Variants in TSPAN11 observed in about 807,000 individuals in gnomAD.
The protein encoded by TSPAN11 is tetraspanin-11.
Under a neutral mutation model 32.9 loss-of-function variants are expected in TSPAN11, and 29 were observed. The ratio of observed to expected loss-of-function variants is 0.88; its 90% CI spans 0.66 to 1.20. TSPAN11 has a LOEUF of 1.20. TSPAN11 is among the 50% of genes most tolerant of loss of function. TSPAN11 has a pLI of 0.00. For missense variants in TSPAN11, 283 were observed against 329.1 expected, an observed-to-expected ratio of 0.86 and a Z score of 1.08; for synonymous variants, 140 against 141.3, an observed-to-expected ratio of 0.99 and a Z score of 0.07.
At chr12:30,963,801 G>A (rs1286591069) in intron 2 of TSPAN11, 25 bp from the exon 3 acceptor site, 1 of 1,599,870 alleles carries the variant, frequency 6.3e-7, no homozygotes, top group Non-Finnish European at 8.5e-7. Context: ...GCCACCCCCT[G>A]CTCTAACCCG....
At chr12:31,009,702 C>T in the TSPAN11 span, among the ~76,000 whole-genome samples, 2 of 152,168 alleles carry the variant, frequency 1.3e-5, no homozygotes, top group African/African-American at 4.8e-5. Flanking sequence ...AAAGGTGAGC[C>T]TCTCTGCATA....
chr12:30,947,959 TGGTACAG>T (rs1244189717), intron 1 of TSPAN11, among the ~76,000 whole-genome samples: 1 of 152,124 alleles, frequency 6.6e-6, no homozygotes, highest in African/African-American at 2.4e-5. Flanking sequence ...GGTACAATGG[TGGTACAG>T]GTATTGGGTA....
At chr12:30,969,501 A>AGG (rs1938804694) in intron 3 of TSPAN11, among the ~76,000 whole-genome samples, 1 of 152,096 alleles carries the variant, frequency 6.6e-6, no homozygotes, top group Non-Finnish European at 1.5e-5. Context: ...GGACCTCAGA[A>AGG]CCCTGAAGGC....
Position 30,985,242 on chromosome 12 carries a change from T to C in TSPAN11, c.702+2092T>C, listed in dbSNP as rs377545412. On this transcript the variant is annotated intron_variant, in intron 7 of 7. Coordinates refer to ENST00000546076, the MANE Select transcript of TSPAN11 (RefSeq NM_001370302.1). Reference sequence around the variant, plus strand: ...GAGTCTCAGTTACTCATTTGTAAAATGGGGCTAGTTATACCTTATCTGCTT... The same window carrying C: ...GAGTCTCAGTTACTCATTTGTAAAACGGGGCTAGTTATACCTTATCTGCTT... Among the ~76,000 whole-genome samples, 686 of 152,158 alleles carry C rather than the reference T, an allele frequency of 4.5e-3. 54 individuals are homozygous for C. The South Asian group carries it at 0.14, about 31-fold the overall frequency.
At chr12:30,947,631 C>T (rs988650364) in intron 1 of TSPAN11, among the ~76,000 whole-genome samples, 2 of 152,132 alleles carry the variant, frequency 1.3e-5, no homozygotes, top group African/African-American at 4.8e-5. Context: ...TTCACTGTCA[C>T]GAGAATAGTA....
At chr12:30,930,014 T>A (rs1466737159) in intron 1 of TSPAN11, among the ~76,000 whole-genome samples, 8 of 152,166 alleles carry the variant, frequency 5.3e-5, no homozygotes, top group Non-Finnish European at 1.0e-4. Flanking sequence ...TTAGGTGGGT[T>A]GTTGAGGACG....
chr12:30,979,105 T>G (rs1232153326), intron 4 of TSPAN11, among the ~76,000 whole-genome samples: 1 of 152,142 alleles, frequency 6.6e-6, no homozygotes, highest in East Asian at 1.9e-4. Flanking sequence ...ATGACCATGG[T>G]GATGTTTGGC....
the TSPAN11 span, among the ~76,000 whole-genome samples, chr12:31,004,281 G>A: frequency 6.6e-6 from 1 of 152,160 alleles, no homozygotes; most frequent in African/African-American, 2.4e-5. Context: ...CATCTCACAC[G>A]TCCGGTTGTG....
At position 30,976,567 on chromosome 12, in the gene TSPAN11, CAG is replaced by C. The variant is rs199705650; in HGVS notation, c.277-1993_277-1992del. Among the ~76,000 whole-genome samples, 1,116 of 152,310 alleles carry C rather than the reference CAG, an allele frequency of 7.3e-3. 6 individuals carry two copies. The highest frequency in any genetic ancestry group is 0.012 in the Non-Finnish European group (835 of 68,014). ...GCCTCAGCTTACCCTGCATACCACT[CAG>C]TACCACACGCAGACCCAGGCCCCTG... On this transcript the variant is annotated intron_variant, in intron 3 of 7. Transcript: ENST00000546076.
At chr12:30,990,833 A>G (rs1939298138) in intron 7 of TSPAN11, among the ~76,000 whole-genome samples, 1 of 152,086 alleles carries the variant, frequency 6.6e-6, no homozygotes, top group Non-Finnish European at 1.5e-5. Flanking sequence ...AGCCACCTTC[A>G]CCCCAGGTAT....
At chr12:31,007,569 T>A in the TSPAN11 span, among the ~76,000 whole-genome samples, 2 of 152,176 alleles carry the variant, frequency 1.3e-5, no homozygotes, top group African/African-American at 4.8e-5. Flanking sequence ...TGGGTGTCAC[T>A]GGTGGCCCCC....
At chr12:30,944,105 CT>C (rs917839432) in intron 1 of TSPAN11, among the ~76,000 whole-genome samples, 14 of 148,140 alleles carry the variant, frequency 9.5e-5, no homozygotes, top group East Asian at 2.0e-4. Flanking sequence ...GGAGAGTTTT[CT>C]TTTTTTTTTA....
chr12:30,941,303 C>T (rs1342264784), intron 1 of TSPAN11, among the ~76,000 whole-genome samples: 2 of 152,218 alleles, frequency 1.3e-5, no homozygotes, highest in Non-Finnish European at 2.9e-5. Context: ...GAACCAATCC[C>T]CCGCATATAC....
intron 7 of TSPAN11, among the ~76,000 whole-genome samples, chr12:30,991,094 C>G (rs145838059): frequency 6.6e-6 from 1 of 152,184 alleles, no homozygotes; most frequent in Non-Finnish European, 1.5e-5. Context: ...GGGTGATCCT[C>G]CCAGGCCTGT....
At chr12:31,010,486 G>C in the TSPAN11 span, among the ~76,000 whole-genome samples, 2 of 152,080 alleles carry the variant, frequency 1.3e-5, no homozygotes, top group South Asian at 2.1e-4. Context: ...GTAGGCTCAG[G>C]GTGGGCAACT....
intron 7 of TSPAN11, among the ~76,000 whole-genome samples, chr12:30,988,024 T>C (rs1028247863): frequency 6.6e-6 from 1 of 152,206 alleles, no homozygotes; most frequent in Non-Finnish European, 1.5e-5. Flanking sequence ...CCGGCAGGGA[T>C]GCTGAAGGGA....
At chr12:31,003,892 A>G in the TSPAN11 span, among the ~76,000 whole-genome samples, 1 of 152,032 alleles carries the variant, frequency 6.6e-6, no homozygotes, top group Non-Finnish European at 1.5e-5. Flanking sequence ...CCCCACTCCC[A>G]CCTGCCAAAA....
the TSPAN11 span, among the ~76,000 whole-genome samples, chr12:31,002,582 A>C: frequency 6.6e-6 from 1 of 152,050 alleles, no homozygotes; most frequent in Non-Finnish European, 1.5e-5. This position sits in a 1 kb window ranked among gnomAD's most constrained non-coding sequence, Gnocchi z 4.8. Context: ...TGGAGCAGGG[A>C]CCCATCCTGG....
rs761082668 is a variant in TSPAN11 at position 30,983,068 on chromosome 12, G to A, written c.620G>A (p.Gly207Asp). 1 of 1,612,504 alleles carries A rather than the reference G, an allele frequency of 6.2e-7. No individual in the cohort carries two copies. The highest frequency in any genetic ancestry group is 2.2e-5 in the East Asian group (1 of 44,878). Residue 207 changes from glycine to aspartate, a missense_variant, in exon 7 of 8, where the codon GGC becomes GAC. Coordinates refer to ENST00000546076, the MANE Select transcript of TSPAN11 (RefSeq NM_001370302.1). ...TCACCTGCCCTTCTCTTACAGGGAG[G>A]CTGCCTCACCAAGCTGGAGCAGTTC... Reference protein sequence around the residue: ...HPSNIYKVEGGCLTKLEQFLA... With the variant: ...HPSNIYKVEGDCLTKLEQFLA...
Sources: gnomAD v4.1 joint callset for allele counts (sites outside exome capture counted in the v4.1 genomes callset) on GRCh38, gnomAD v4.1.1 for gene constraint, Gnocchi (gnomAD v3.1) non-coding constraint, MANE v1.5 for transcripts, NCBI Gene and HGNC (gene_info 2026-07-23, HGNC 2026-07-21) for gene names.